Variants in CLINT1 observed in about 807,000 individuals in gnomAD.
CLINT1 encodes clathrin interactor 1, also known as clathrin interacting protein localized in the trans-Golgi region.
In CLINT1, 15 loss-of-function variants were observed where a neutral mutation model predicts 70.4. The observed-to-expected ratio is 0.21, with a 90% CI of 0.14 to 0.33. CLINT1 has a LOEUF of 0.33. Among genes scored for constraint, CLINT1 ranks in the 10% least tolerant of loss-of-function variants. The pLI, the probability that CLINT1 is intolerant of heterozygous loss-of-function variation, is 1.00. For missense variants in CLINT1, 615 were observed against 778.1 expected (o/e 0.79, Z 2.49); for synonymous variants, 227 against 254.7 (o/e 0.89, Z 1.04).
rs768987946 is a variant in CLINT1, at chr5:157,809,776, T to C, written c.547A>G (p.Lys183Glu). Residue 183 changes from lysine to glutamate, a missense_variant, in exon 6 of 12, where the codon AAA becomes GAA. Physicochemically the swap from Lys to Glu is moderately conservative, Grantham distance 56 (BLOSUM62 1). Around this residue, in one of 2 missense-constraint regions of CLINT1, gnomAD observed 241 missense variants for 368.6 expected, o/e 0.65. Transcript: ENST00000411809. ...TTTTTATCCCACTCCTCATCCCATTTTGATTTGGGCTCAGGATCATATCTT... is the reference window on the plus strand; with the variant it reads ...TTTTTATCCCACTCCTCATCCCATTCTGATTTGGGCTCAGGATCATATCTT... ...SERYDPEPKS[K>E]WDEEWDKNKS... is the part of the protein sequence containing the mutation. The C allele has an allele frequency of 6.2e-7, 1 of 1,613,192 alleles. No individual in the cohort carries two copies. Among genetic ancestry groups the C allele is most frequent in the Non-Finnish European group, 8.5e-7 (1 of 1,179,502 alleles).
At chr5:157,830,747 C>CCTCTCTCCCTCT (rs1763197313) in intron 1 of CLINT1, among the ~76,000 whole-genome samples, 2 of 91,296 alleles carry the variant, frequency 2.2e-5, no homozygotes, top group Non-Finnish European at 4.7e-5. Flanking sequence ...CCTGCCCCTC[C>CCTCTCTCCCTCT]CTCTCTCTCC....
chr5:157,789,761 A>G lies in CLINT1; in HGVS notation c.1381-248T>C, dbSNP rs1761845288. On this transcript the variant is annotated intron_variant, in intron 10 of 11. Coordinates refer to ENST00000411809, the MANE Select transcript of CLINT1 (RefSeq NM_014666.4). The stretch of plus-strand genomic sequence containing the variant: ...TCCCAATCAGGTTTGAGGTGGATAA[A>G]ACCAACAACTTACCTACACTAACAA... 5.2e-6 allele frequency: 3 copies of G among 577,622 alleles called. No individual in the cohort carries two copies. In the South Asian group the frequency reaches 6.3e-5, roughly 12 times the overall value. The allele number at this position is 577,622 out of a possible 1,614,324, so 35.8% of individuals were successfully genotyped here.
chr5:157,842,294 T>C (rs1172686983), intron 1 of CLINT1, among the ~76,000 whole-genome samples: 3 of 152,144 alleles, frequency 2.0e-5, no homozygotes, highest in East Asian at 1.9e-4. Context: ...TAAGTACTTA[T>C]AAGTAAAAAA....
chr5:157,809,581 A>C lies in CLINT1; in HGVS notation c.695+47T>G, dbSNP rs978390769. On this transcript the variant is annotated intron_variant, in intron 6 of 11. Transcript: ENST00000411809. The stretch of plus-strand genomic sequence containing the variant: ...AAAAACCAAAAACCCAGTGGCATAA[A>C]TTTAGGGCTCTTTCTAAGAGACCCG... 4.6e-6 allele frequency: 7 copies of C among 1,509,972 alleles called. No homozygotes were observed. The African/African-American group carries it at 1.0e-4, about 22-fold the overall frequency. 93.5% of individuals were successfully genotyped at this position (1,509,972 alleles called of 1,614,324 possible). A position where few individuals can be genotyped will look rare whatever the true frequency, so the allele number is the denominator to read the frequency against.
In CLINT1 at chr5:157,787,738, T is replaced by A. The variant is rs747547797; in HGVS notation, c.1786A>T (p.Met596Leu). Reference protein sequence around the residue: ...SAAGMGLTGTMGMGMPNIAMT... With the variant: ...SAAGMGLTGTLGMGMPNIAMT... ...GCTATGTTGGGCATGCCCATTCCCATTGTGCCTGTCAAGCCCATCCCAGCA... is the reference window on the plus strand; with the variant it reads ...GCTATGTTGGGCATGCCCATTCCCAATGTGCCTGTCAAGCCCATCCCAGCA... The change falls in exon 12 of 12, where the codon ATG (methionine) becomes TTG (leucine). Residue 596 changes from methionine (M) to leucine (L), a missense_variant. Met to Leu is a conservative substitution (Grantham distance 15). Around this residue, in one of 2 missense-constraint regions of CLINT1, gnomAD observed 374 missense variants for 409.6 expected, o/e 0.91. Transcript: ENST00000411809. 1 of 1,614,028 alleles carries A rather than the reference T, an allele frequency of 6.2e-7. No homozygotes were observed. The highest frequency in any genetic ancestry group is 1.1e-5 in the South Asian group (1 of 91,090).
chr5:157,787,554 A>C lies in CLINT1; in HGVS notation c.*92T>G. The C allele has an allele frequency of 9.7e-7, 1 of 1,026,298 alleles. No individual in the cohort carries two copies. The highest frequency in any genetic ancestry group is 1.5e-6 in the Non-Finnish European group (1 of 687,948). 63.6% of individuals were successfully genotyped at this position (1,026,298 alleles called of 1,614,324 possible). ...TAGATTTATTTTAATTACTTGATAA[A>C]AGAAAGGGTAGTTGATTAGCATTTT... On this transcript the variant is annotated 3_prime_UTR_variant, in exon 12 of 12. Coordinates refer to ENST00000411809, the MANE Select transcript of CLINT1 (RefSeq NM_014666.4).
intron 1 of CLINT1, among the ~76,000 whole-genome samples, chr5:157,830,694 A>T (rs2113262422): frequency 6.6e-6 from 1 of 151,438 alleles, no homozygotes; most frequent in African/African-American, 2.4e-5. Flanking sequence ...TGGGCAATAT[A>T]GAGAGACCTT....
At chr5:157,829,506 G>C (rs1254918646) in intron 1 of CLINT1, among the ~76,000 whole-genome samples, 1 of 152,002 alleles carries the variant, frequency 6.6e-6, no homozygotes, top group African/African-American at 2.4e-5. Context: ...ATGGTGCATT[G>C]TGAGTCTCCA....
intron 1 of CLINT1, among the ~76,000 whole-genome samples, chr5:157,844,570 G>A (rs940230263): frequency 2.0e-5 from 3 of 152,304 alleles, no homozygotes; most frequent in Admixed American, 2.0e-4. Context: ...TTGAGTTACT[G>A]TATAACGTCT....
intron 3 of CLINT1, 64 bp from the exon 4 acceptor site, chr5:157,814,357 G>C: frequency 8.9e-7 from 1 of 1,128,852 alleles, no homozygotes. Flanking sequence ...TTGGTAAATG[G>C]TTAAAAAAAA....
intron 1 of CLINT1, among the ~76,000 whole-genome samples, chr5:157,818,006 A>G (rs1432698030): frequency 6.6e-6 from 1 of 152,208 alleles, no homozygotes; most frequent in African/African-American, 2.4e-5. Flanking sequence ...CATTTTTAAA[A>G]GAATAAATCA....
chr5:157,812,986 T>C (rs1317910356), intron 5 of CLINT1, 77 bp downstream of exon 5: 24 of 1,424,250 alleles, frequency 1.7e-5, no homozygotes, highest in Non-Finnish European at 1.6e-5. Context: ...TTTTGGTCTT[T>C]GGTATTTCAC....
At chr5:157,834,645 TTTC>T (rs1581527846) in intron 1 of CLINT1, among the ~76,000 whole-genome samples, 2 of 152,294 alleles carry the variant, frequency 1.3e-5, no homozygotes, top group East Asian at 3.9e-4. Flanking sequence ...TGCCCTTTAC[TTTC>T]TTATCTCAGT....
intron 1 of CLINT1, among the ~76,000 whole-genome samples, chr5:157,855,233 T>G (rs189089277): frequency 6.2e-4 from 93 of 150,620 alleles, no homozygotes; most frequent in African/African-American, 2.1e-3. Context: ...AAGGATTCGC[T>G]GAGCTTGAAC....
intron 1 of CLINT1, among the ~76,000 whole-genome samples, chr5:157,857,789 T>C (rs564650382): frequency 6.6e-6 from 1 of 152,158 alleles, no homozygotes; most frequent in Non-Finnish European, 1.5e-5. Context: ...GCACAGAAAA[T>C]ATAAAAATAT....
chr5:157,825,932 T>C (rs1718081572), intron 1 of CLINT1, among the ~76,000 whole-genome samples: 1 of 152,134 alleles, frequency 6.6e-6, no homozygotes, highest in Non-Finnish European at 1.5e-5. Context: ...TACTGAACAT[T>C]GCTGATTGAT....
At chr5:157,829,945 TTGCCC>T (rs2113259610) in intron 1 of CLINT1, among the ~76,000 whole-genome samples, 1 of 151,966 alleles carries the variant, frequency 6.6e-6, no homozygotes, top group East Asian at 1.9e-4. Context: ...TTCTAAAAAA[TTGCCC>T]TTTTCTTCTT....
chr5:157,815,347 A>T (rs1439716658), intron 3 of CLINT1, among the ~76,000 whole-genome samples: 1 of 152,142 alleles, frequency 6.6e-6, no homozygotes, highest in East Asian at 1.9e-4. Context: ...AAATTTTGTT[A>T]AAATGTAAAT....
At chr5:157,805,743 A>G in intron 7 of CLINT1, 123 bp downstream of exon 7, 1 of 1,204,668 alleles carries the variant, frequency 8.3e-7, no homozygotes, top group Non-Finnish European at 1.2e-6. Flanking sequence ...TTGGTAATAC[A>G]TGCCAGATGA....
Sources: gnomAD v4.1 joint callset for allele counts (sites outside exome capture counted in the v4.1 genomes callset) on GRCh38, gnomAD v4.1.1 for gene constraint, gnomAD v4.1.1 regional missense constraint, MANE v1.5 for transcripts, NCBI Gene and HGNC (gene_info 2026-07-23, HGNC 2026-07-21) for gene names.